Variants in PITPNM2 observed in about 807,000 individuals in gnomAD.
The protein encoded by PITPNM2 is membrane-associated phosphatidylinositol transfer protein 2.
PITPNM2 carries 35 observed loss-of-function variants against 132.2 expected under a neutral mutation model. The ratio of observed to expected loss-of-function variants is 0.26; its 90% CI spans 0.20 to 0.35. PITPNM2 has a LOEUF of 0.35. Among genes scored for constraint, PITPNM2 ranks in the 10% least tolerant of loss-of-function variants. PITPNM2 has a pLI of 1.00. For synonymous variants in PITPNM2, 738 were observed against 799.2 expected (o/e 0.92, Z 1.29); for missense variants, 1,332 against 1,912.0 (o/e 0.70, Z 5.66).
intron 2 of PITPNM2, among the ~76,000 whole-genome samples, chr12:123,079,350 C>CTTTTTTTTTTTTTTTTT (rs139205213): frequency 5.9e-4 from 32 of 53,840 alleles, no homozygotes; most frequent in East Asian, 1.6e-3. Flanking sequence ...TTTTTCTTTT[C>CTTTTTTTTTTTTTTTTT]TTTTTTTTTT....
rs2041341831 is a variant in PITPNM2 at position 123,064,263 on chromosome 12, C to A, written c.-95-29578G>T. 6.6e-6 allele frequency among the ~76,000 whole-genome samples: 1 copy of A among 152,228 alleles called. No homozygotes were observed. The highest frequency in any genetic ancestry group is 2.4e-5 in the African/African-American group (1 of 41,450). Reference sequence around the variant, plus strand: ...TGGAAAATGGAAACCAAGAGAGCGACAGGGACTTGGTCAAGGTCATCGGGC... The same window carrying A: ...TGGAAAATGGAAACCAAGAGAGCGAAAGGGACTTGGTCAAGGTCATCGGGC... On this transcript the variant is annotated intron_variant, in intron 2 of 25. Transcript: ENST00000320201. The surrounding 1 kb of genome is among the most constrained non-coding windows in gnomAD (Gnocchi z 4.0).
intron 3 of PITPNM2, among the ~76,000 whole-genome samples, chr12:123,018,899 T>A (rs1332557520): frequency 6.7e-6 from 1 of 148,606 alleles, no homozygotes; most frequent in Non-Finnish European, 1.5e-5. Context: ...TTCTCCTGCC[T>A]CAGCTGACCA....
chr12:122,990,065 C>A, intron 17 of PITPNM2, 117 bp from the exon 18 acceptor site: 4 of 850,978 alleles, frequency 4.7e-6, no homozygotes, highest in Non-Finnish European at 6.5e-6. Context: ...CAAGGGCGAG[C>A]CCATTGGCCC....
intron 8 of PITPNM2, among the ~76,000 whole-genome samples, chr12:123,001,904 G>A (rs1049516344): frequency 7.9e-5 from 12 of 152,000 alleles, no homozygotes; most frequent in Non-Finnish European, 1.8e-4. Context: ...GGTGGTGTGC[G>A]CCTGTAGTCT....
chr12:123,011,557 T>C (rs1390464056), intron 5 of PITPNM2, among the ~76,000 whole-genome samples: 1 of 152,226 alleles, frequency 6.6e-6, no homozygotes, highest in Non-Finnish European at 1.5e-5. Context: ...AATGTGATCT[T>C]ATCTAGAGAT....
intron 2 of PITPNM2, among the ~76,000 whole-genome samples, chr12:123,041,075 A>T (rs1365677537): frequency 1.3e-5 from 2 of 152,208 alleles, no homozygotes; most frequent in Non-Finnish European, 2.9e-5. Context: ...AAAATAAAAC[A>T]ATCAGCTAGA....
chr12:123,147,975 C>A (rs146701296), intron 1 of PITPNM2, among the ~76,000 whole-genome samples: 1 of 152,122 alleles, frequency 6.6e-6, no homozygotes, highest in African/African-American at 2.4e-5. Flanking sequence ...TAGTTTCCTG[C>A]GGGAAGGCAA....
At chr12:123,042,304 A>T (rs1287946681) in intron 2 of PITPNM2, among the ~76,000 whole-genome samples, 1 of 152,178 alleles carries the variant, frequency 6.6e-6, no homozygotes, top group Non-Finnish European at 1.5e-5. Context: ...GAAGACTTAA[A>T]GTGGATTACT....
At chr12:122,988,082 CCT>C (rs1311077092) in intron 20 of PITPNM2, 150 bp downstream of exon 20, 26 of 884,552 alleles carry the variant, frequency 2.9e-5, no homozygotes, top group Non-Finnish European at 4.7e-5. Flanking sequence ...TGCTGCCTTC[CCT>C]GTCTGTGAAG....
intron 2 of PITPNM2, among the ~76,000 whole-genome samples, chr12:123,072,330 G>C (rs1159846950): frequency 6.6e-6 from 1 of 152,194 alleles, no homozygotes; most frequent in African/African-American, 2.4e-5. Context: ...ACAGGGACAA[G>C]GTCTTCTAAC....
chr12:122,987,199 T>C lies in PITPNM2; in HGVS notation c.3413+82A>G. 2.5e-6 allele frequency: 4 copies of C among 1,577,332 alleles called. No homozygotes were observed. The South Asian group carries it at 4.5e-5, about 18-fold the overall frequency. On this transcript the variant is annotated intron_variant, in intron 23 of 25. Transcript: ENST00000320201. The stretch of plus-strand genomic sequence containing the variant: ...CAGGCGTCCCCCACAGAGGCTCCGC[T>C]GTCCTCCTCCACCTGGCTGGTGGGA...
At chr12:123,025,145 G>A (rs532260883) in intron 3 of PITPNM2, among the ~76,000 whole-genome samples, 54 of 152,312 alleles carry the variant, frequency 3.5e-4, no homozygotes, top group African/African-American at 1.3e-3. Flanking sequence ...CCGAGCATCT[G>A]TTTCCATGGT....
intron 2 of PITPNM2, among the ~76,000 whole-genome samples, chr12:123,041,659 G>A (rs964347191): frequency 3.3e-5 from 5 of 152,190 alleles, no homozygotes; most frequent in African/African-American, 9.7e-5. Flanking sequence ...CGTCTCTGCC[G>A]GAGTCGTGAC....
rs1309815312 is a variant in PITPNM2, at chr12:123,095,169, C to A, written c.-96+15216G>T. Reference sequence around the variant, plus strand: ...CAGCAGGCTGATTCAGGGCTTGGAACGTGGTGAGGGGGCCCAGGGGAATGG... The same window carrying A: ...CAGCAGGCTGATTCAGGGCTTGGAAAGTGGTGAGGGGGCCCAGGGGAATGG... On this transcript the variant is annotated intron_variant, in intron 2 of 25. Coordinates refer to ENST00000320201, the MANE Select transcript of PITPNM2 (RefSeq NM_020845.3). The surrounding 1 kb of genome is among the most constrained non-coding windows in gnomAD (Gnocchi z 5.0). Among the ~76,000 whole-genome samples the A allele has an allele frequency of 2.6e-5, 4 of 152,086 alleles. No homozygotes were observed. Among genetic ancestry groups the A allele is most frequent in the Admixed American group, 6.6e-5 (1 of 15,266 alleles).
rs535998653 is a variant in PITPNM2 at position 123,068,302 on chromosome 12, C to G, written c.-95-33617G>C. ...CTAACACGGTGAAACCCCGTCTCTA[C>G]TAAAAATACAAAAAATTAGCCGGGT... is the stretch of plus-strand genomic sequence containing the variant. On this transcript the variant is annotated intron_variant, in intron 2 of 25. Coordinates refer to ENST00000320201, the MANE Select transcript of PITPNM2 (RefSeq NM_020845.3). Among the ~76,000 whole-genome samples, 7 of 152,170 alleles carry G rather than the reference C, an allele frequency of 4.6e-5. No homozygotes were observed. The East Asian group carries it at 1.2e-3, about 25-fold the overall frequency.
chr12:123,028,418 GTCT>G (rs2039943915), intron 3 of PITPNM2, among the ~76,000 whole-genome samples: 1 of 152,246 alleles, frequency 6.6e-6, no homozygotes, highest in South Asian at 2.1e-4. Context: ...ATGAACTAAG[GTCT>G]TCTTATTATT....
intron 2 of PITPNM2, chr12:123,090,254 C>G (rs1344579290): frequency 6.6e-6 from 1 of 152,234 alleles, no homozygotes; most frequent in Admixed American, 6.5e-5. Context: ...GGCAAGAGGT[C>G]TGTCTCACTT....
rs752294384 is a variant in PITPNM2 at position 122,996,447 on chromosome 12, C to A, written c.1782+11G>T. The stretch of plus-strand genomic sequence containing the variant: ...AGGCCTTGGGGACTGTCTGGGCCCC[C>A]ACTTGGGTACCTGCATGCTGACCAC... On this transcript the variant is annotated intron_variant, in intron 13 of 25. Transcript: ENST00000320201. 1.4e-5 allele frequency: 22 copies of A among 1,612,706 alleles called. No individual in the cohort carries two copies. The highest frequency in any genetic ancestry group is 1.8e-5 in the Non-Finnish European group (21 of 1,179,928).
upstream of PITPNM2, among the ~76,000 whole-genome samples, chr12:123,151,772 G>A (rs2043767314): frequency 6.6e-6 from 1 of 152,234 alleles, no homozygotes; most frequent in South Asian, 2.1e-4. Flanking sequence ...TGTTTGTTAG[G>A]TTGAGCCAGG....
Sources: allele counts gnomAD v4.1 joint callset (sites outside exome capture counted in the v4.1 genomes callset), GRCh38; gene constraint gnomAD v4.1.1; non-coding constraint Gnocchi (gnomAD v3.1); transcripts MANE v1.5; gene names NCBI Gene and HGNC (gene_info 2026-07-23, HGNC 2026-07-21).